FAF1: variants seen among roughly 807,000 people sequenced by gnomAD.
FAF1 encodes FAS-associated factor 1.
Under a neutral mutation model 92.5 loss-of-function variants are expected in FAF1, and 25 were observed. The observed-to-expected ratio is 0.27, with a 90% CI of 0.20 to 0.38. FAF1 has a LOEUF of 0.38. Ranked by LOEUF, FAF1 falls within the 10% of genes least tolerant of loss-of-function variation. FAF1 has a pLI of 1.00. For synonymous variants in FAF1, 234 were observed against 273.2 expected (o/e 0.86, Z 1.42); for missense variants, 636 against 793.3 (o/e 0.80, Z 2.38).
intron 1 of FAF1, among the ~76,000 whole-genome samples, chr1:50,920,828 ATATT>A (rs1209022933): frequency 6.6e-6 from 1 of 152,324 alleles, no homozygotes; most frequent in African/African-American, 2.4e-5. Flanking sequence ...GAAAGACTGA[ATATT>A]TATCCCTAAG....
chr1:50,905,975 T>G (rs969948214), intron 1 of FAF1, among the ~76,000 whole-genome samples: 1 of 152,222 alleles, frequency 6.6e-6, no homozygotes, highest in Non-Finnish European at 1.5e-5. Flanking sequence ...CTGAATGGTA[T>G]TGCCTACGTT....
intron 15 of FAF1, among the ~76,000 whole-genome samples, chr1:50,494,524 T>C (rs896628408): frequency 2.3e-4 from 35 of 152,256 alleles, no homozygotes; most frequent in Admixed American, 2.2e-3. Context: ...GCCTAGGCTA[T>C]GGCTTGGGCT....
At position 50,586,569 on chromosome 1, in the gene FAF1, A is replaced by C. The variant is rs140454193; in HGVS notation, c.841-1758T>G. 6.6e-3 allele frequency among the ~76,000 whole-genome samples: 1,007 copies of C among 152,302 alleles called. 4 individuals carry two copies. The highest frequency in any genetic ancestry group is 0.011 in the Non-Finnish European group (732 of 68,022). On this transcript the variant is annotated intron_variant, in intron 9 of 18. Coordinates refer to ENST00000396153, the MANE Select transcript of FAF1 (RefSeq NM_007051.3). The stretch of plus-strand genomic sequence containing the variant: ...AAGATAATGAAGATACATTTGTTGC[A>C]TGAATAAATAAATGGTCCTTCCCTG...
chr1:50,670,533 C>T (rs759577403), intron 7 of FAF1, among the ~76,000 whole-genome samples: 60 of 152,196 alleles, frequency 3.9e-4, no homozygotes, highest in Non-Finnish European at 8.1e-4. Flanking sequence ...TCACTTCATT[C>T]TTATTTCATT....
At chr1:50,614,839 CA>C (rs1295301237) in intron 8 of FAF1, among the ~76,000 whole-genome samples, 925 of 46,834 alleles carry the variant, frequency 0.02, no homozygotes, top group Non-Finnish European at 0.031. Flanking sequence ...AACTCCGTCT[CA>C]AAAAAAAAAA....
intron 2 of FAF1, among the ~76,000 whole-genome samples, chr1:50,833,350 AAAG>A (rs1644171911): frequency 6.6e-6 from 1 of 152,076 alleles, no homozygotes; most frequent in South Asian, 2.1e-4. Flanking sequence ...TAAAAAAAAA[AAAG>A]AACTCAGGAA....
chr1:50,674,051 A>G (rs1656012183), intron 7 of FAF1, among the ~76,000 whole-genome samples: 1 of 151,986 alleles, frequency 6.6e-6, no homozygotes, highest in Non-Finnish European at 1.5e-5. Context: ...GCCAGGTGCA[A>G]GTGATTCTCC....
At chr1:50,614,236 C>T (rs1377842912) in intron 8 of FAF1, among the ~76,000 whole-genome samples, 2 of 152,170 alleles carry the variant, frequency 1.3e-5, no homozygotes, top group East Asian at 3.9e-4. Context: ...ATTCTATGGG[C>T]AGACTCATAC....
intron 8 of FAF1, among the ~76,000 whole-genome samples, chr1:50,640,516 G>A (rs565985221): frequency 7.9e-5 from 12 of 151,938 alleles, no homozygotes; most frequent in African/African-American, 1.7e-4. Flanking sequence ...GGATGGTCTC[G>A]ATCTCCTGAC....
At chr1:50,732,421 G>T (rs1429778819) in intron 6 of FAF1, among the ~76,000 whole-genome samples, 1 of 152,094 alleles carries the variant, frequency 6.6e-6, no homozygotes, top group African/African-American at 2.4e-5. Context: ...TGTGGAGTTG[G>T]TCTATATCTT....
At chr1:50,525,987 T>A (rs1476333844) in intron 15 of FAF1, among the ~76,000 whole-genome samples, 1 of 152,196 alleles carries the variant, frequency 6.6e-6, no homozygotes, top group Non-Finnish European at 1.5e-5. Flanking sequence ...CCACAAACTT[T>A]AGGAAAATTT....
chr1:50,452,946 A>C (rs1347058331), intron 18 of FAF1, among the ~76,000 whole-genome samples: 3 of 152,228 alleles, frequency 2.0e-5, no homozygotes, highest in Admixed American at 6.5e-5. Flanking sequence ...CTCTGGGTCT[A>C]TCTCCTTCAC....
At chr1:50,652,975 C>T (rs1240904894) in intron 8 of FAF1, among the ~76,000 whole-genome samples, 1 of 152,124 alleles carries the variant, frequency 6.6e-6, no homozygotes, top group Non-Finnish European at 1.5e-5. Context: ...TAATGATATG[C>T]TCAGGTCTTA....
intron 7 of FAF1, among the ~76,000 whole-genome samples, chr1:50,660,655 G>T (rs1348978930): frequency 6.6e-6 from 1 of 151,936 alleles, no homozygotes; most frequent in African/African-American, 2.4e-5. Context: ...CACCACACCT[G>T]GCTAATTTTT....
At chr1:50,601,755 C>T (rs1311167485) in intron 8 of FAF1, among the ~76,000 whole-genome samples, 1 of 151,314 alleles carries the variant, frequency 6.6e-6, no homozygotes, top group African/African-American at 2.4e-5. Context: ...TTCATATATA[C>T]ACATATATAT....
intron 18 of FAF1, chr1:50,469,436 A>G (rs1646542690): frequency 6.6e-6 from 1 of 152,164 alleles, no homozygotes; most frequent in African/African-American, 2.4e-5. Flanking sequence ...TGTTTCTTTC[A>G]GTCAAGCAGT....
chr1:50,525,194 T>C (rs1647730556), intron 15 of FAF1, among the ~76,000 whole-genome samples: 1 of 152,156 alleles, frequency 6.6e-6, no homozygotes, highest in African/African-American at 2.4e-5. Flanking sequence ...CCCCCATATG[T>C]ATTTTAAAAG....
At position 50,583,533 on chromosome 1, in the gene FAF1, G is replaced by A; in HGVS notation, c.1031+119C>T. ...CTATTAGGACTATATAAATTAACAAGTATATCCTTTGAATACTTTAAGGAG... is the reference window on the plus strand; with the variant it reads ...CTATTAGGACTATATAAATTAACAAATATATCCTTTGAATACTTTAAGGAG... On this transcript the variant is annotated intron_variant, in intron 11 of 18. Transcript: ENST00000396153. The surrounding 1 kb of genome is among the most constrained non-coding windows in gnomAD (Gnocchi z 4.2). 3.7e-6 allele frequency: 2 copies of A among 543,470 alleles called. No homozygotes were observed. Among genetic ancestry groups the A allele is most frequent in the Non-Finnish European group, 6.3e-6 (2 of 318,038 alleles). The allele number at this position is 543,470 out of a possible 1,614,324, so 33.7% of individuals were successfully genotyped here.
chr1:50,590,903 A>G (rs1651470170), intron 9 of FAF1, among the ~76,000 whole-genome samples: 1 of 151,470 alleles, frequency 6.6e-6, no homozygotes. Context: ...AATCACTTGA[A>G]CCCAGGAGGC....
Sources: gnomAD v4.1 joint callset for allele counts (sites outside exome capture counted in the v4.1 genomes callset) on GRCh38, gnomAD v4.1.1 for gene constraint, Gnocchi (gnomAD v3.1) non-coding constraint, MANE v1.5 for transcripts, NCBI Gene and HGNC (gene_info 2026-07-23, HGNC 2026-07-21) for gene names.